Variants in MSI2 observed in about 807,000 individuals in gnomAD.
MSI2 encodes RNA-binding protein Musashi homolog 2.
Under a neutral mutation model 45.6 loss-of-function variants are expected in MSI2, and 17 were observed. The ratio of observed to expected loss-of-function variants is 0.37; its 90% confidence interval spans 0.26 to 0.56. MSI2 has a LOEUF of 0.56. Among genes scored for constraint, MSI2 ranks in the 20% least tolerant of loss-of-function variants. The pLI, the probability that MSI2 is intolerant of heterozygous loss-of-function variation, is 0.77. For synonymous variants in MSI2, 156 were observed against 158.2 expected, an observed-to-expected ratio of 0.99 and a Z score of 0.11; for missense variants, 293 against 444.2, an observed-to-expected ratio of 0.66 and a Z score of 3.06.
intron 6 of MSI2, among the ~76,000 whole-genome samples, chr17:57,437,032 C>T (rs1264544844): frequency 2.6e-5 from 4 of 152,068 alleles, no homozygotes; most frequent in Admixed American, 1.3e-4. Context: ...AAGGTTGAGC[C>T]GAGACTTGGA....
chr17:57,392,459 CCTGA>C (rs761236695), intron 5 of MSI2, among the ~76,000 whole-genome samples: 11 of 152,092 alleles, frequency 7.2e-5, no homozygotes, highest in Non-Finnish European at 1.6e-4. Flanking sequence ...AACGTTGTGC[CCTGA>C]CTATGTTGTA....
At chr17:57,624,081 C>T (rs544331476) in intron 9 of MSI2, among the ~76,000 whole-genome samples, 2 of 152,222 alleles carry the variant, frequency 1.3e-5, no homozygotes, top group African/African-American at 2.4e-5. Context: ...CTCGTTGAAG[C>T]CTTGTAGGAA....
intron 7 of MSI2, among the ~76,000 whole-genome samples, chr17:57,546,938 A>G (rs1457398707): frequency 6.6e-6 from 1 of 152,178 alleles, no homozygotes; most frequent in Non-Finnish European, 1.5e-5. Context: ...CTGCGGGGAG[A>G]AGGAACATAC....
At chr17:57,404,759 G>T (rs1303388216) in intron 6 of MSI2, among the ~76,000 whole-genome samples, 1 of 152,088 alleles carries the variant, frequency 6.6e-6, no homozygotes, top group Admixed American at 6.5e-5. Flanking sequence ...GTTTAAATAT[G>T]TCATTACTGT....
chr17:57,346,669 C>T (rs775637465), intron 5 of MSI2, among the ~76,000 whole-genome samples: 2 of 152,206 alleles, frequency 1.3e-5, no homozygotes, highest in South Asian at 2.1e-4. Flanking sequence ...TGCAGTGGCA[C>T]GATCATGGCT....
chr17:57,650,563 A>T (rs1911059296), intron 10 of MSI2, among the ~76,000 whole-genome samples: 1 of 152,102 alleles, frequency 6.6e-6, no homozygotes, highest in Non-Finnish European at 1.5e-5. Flanking sequence ...GTCACCATGC[A>T]TGGTCTCCAT....
intron 6 of MSI2, among the ~76,000 whole-genome samples, chr17:57,435,408 T>C (rs2084674112): frequency 6.6e-6 from 1 of 151,910 alleles, no homozygotes; most frequent in Admixed American, 6.6e-5. Flanking sequence ...GGGGAAGAAG[T>C]TTGAATTTTC....
chr17:57,541,745 A>G (rs1220664669), intron 7 of MSI2, among the ~76,000 whole-genome samples: 1 of 152,180 alleles, frequency 6.6e-6, no homozygotes, highest in Admixed American at 6.5e-5. Context: ...TTGGTTGGCA[A>G]ACCAAGTAGT....
intron 7 of MSI2, among the ~76,000 whole-genome samples, chr17:57,558,261 G>A (rs895014937): frequency 2.0e-5 from 3 of 152,196 alleles, no homozygotes; most frequent in Non-Finnish European, 2.9e-5. Flanking sequence ...GCAGCCATCC[G>A]AGGGAAGACG....
At chr17:57,521,416 G>GA (rs58685316) in intron 6 of MSI2, among the ~76,000 whole-genome samples, 1 of 151,732 alleles carries the variant, frequency 6.6e-6, no homozygotes, top group Non-Finnish European at 1.5e-5. Context: ...GTGGTGATGG[G>GA]AAAAAAAACA....
chr17:57,539,106 T>C (rs534646508), intron 7 of MSI2, among the ~76,000 whole-genome samples: 4 of 152,292 alleles, frequency 2.6e-5, no homozygotes, highest in South Asian at 4.2e-4. Context: ...TGCTCCTTTT[T>C]TATGGGGAAG....
At chr17:57,305,587 C>G (rs1003453286) in intron 5 of MSI2, among the ~76,000 whole-genome samples, 1 of 152,092 alleles carries the variant, frequency 6.6e-6, no homozygotes, top group African/African-American at 2.4e-5. Flanking sequence ...CAGTTCGGTG[C>G]GTTTGATATC....
chr17:57,374,217 T>C (rs1298998466), intron 5 of MSI2, among the ~76,000 whole-genome samples: 1 of 152,200 alleles, frequency 6.6e-6, no homozygotes, highest in Non-Finnish European at 1.5e-5. Flanking sequence ...TTGTACTGTT[T>C]TAGGATATAT....
chr17:57,394,207 T>C (rs2083847837), intron 5 of MSI2, among the ~76,000 whole-genome samples: 1 of 152,206 alleles, frequency 6.6e-6, no homozygotes, highest in Non-Finnish European at 1.5e-5. Flanking sequence ...TTTTTTTTCT[T>C]ATGGAAAGAA....
At chr17:57,343,939 G>C (rs1598148458) in intron 5 of MSI2, among the ~76,000 whole-genome samples, 1 of 152,146 alleles carries the variant, frequency 6.6e-6, no homozygotes, top group Admixed American at 6.5e-5. Context: ...TCCTTCTCAG[G>C]GTATCGCATC....
chr17:57,669,117 A>G (rs1193257146), intron 11 of MSI2, among the ~76,000 whole-genome samples: 1 of 152,192 alleles, frequency 6.6e-6, no homozygotes, highest in East Asian at 1.9e-4. Context: ...TTCTCCTTCC[A>G]TTATCAGAAA....
At chr17:57,640,090 G>C (rs557574892) in intron 10 of MSI2, among the ~76,000 whole-genome samples, 2 of 152,108 alleles carry the variant, frequency 1.3e-5, no homozygotes, top group African/African-American at 4.8e-5. Flanking sequence ...TAGAGGAGGT[G>C]GGGGGAGCTG....
At chr17:57,285,528 G>A (rs1909792171) in intron 5 of MSI2, among the ~76,000 whole-genome samples, 2 of 152,184 alleles carry the variant, frequency 1.3e-5, no homozygotes, top group East Asian at 1.9e-4. Flanking sequence ...GTGGGAGGGC[G>A]CACTTTTCAG....
At chr17:57,411,395 C>T (rs1380640860) in intron 6 of MSI2, among the ~76,000 whole-genome samples, 1 of 152,216 alleles carries the variant, frequency 6.6e-6, no homozygotes, top group Non-Finnish European at 1.5e-5. Flanking sequence ...GATGTCACTG[C>T]TTTCCATTCA....
Sources: allele counts gnomAD v4.1 joint callset (sites outside exome capture counted in the v4.1 genomes callset), GRCh38; gene constraint gnomAD v4.1.1; transcripts MANE v1.5; gene names NCBI Gene and HGNC (gene_info 2026-07-23, HGNC 2026-07-21).